KIAA1328: variants seen among roughly 807,000 people sequenced by gnomAD.
KIAA1328 encodes KIAA1328.
A neutral mutation model predicts 68.1 loss-of-function variants in KIAA1328; 52 were observed. The ratio of observed to expected loss-of-function variants is 0.76; its 90% CI spans 0.61 to 0.96. The LOEUF (loss-of-function observed/expected upper bound fraction) is 0.96, where lower values mean the gene tolerates loss of function less well. Ranked by LOEUF, KIAA1328 falls within the 40% of genes least tolerant of loss-of-function variation. KIAA1328 has a pLI of 0.00. For missense variants in KIAA1328, 641 were observed against 677.6 expected (o/e 0.95, Z 0.60); for synonymous variants, 232 against 239.4 (o/e 0.97, Z 0.28).
At chr18:36,875,791 AT>A (rs2048102182) in intron 4 of KIAA1328, among the ~76,000 whole-genome samples, 1 of 152,192 alleles carries the variant, frequency 6.6e-6, no homozygotes, top group African/African-American at 2.4e-5. Context: ...TCAGTATGAT[AT>A]TGGCTATGGG....
rs1302294228 is a variant in KIAA1328, at chr18:37,180,904, T to C, written c.1523+7823T>C. 2.6e-5 allele frequency among the ~76,000 whole-genome samples: 4 copies of C among 152,296 alleles called. No individual in the cohort carries two copies. The East Asian group carries it at 7.7e-4, about 29-fold the overall frequency. On this transcript the variant is annotated intron_variant, in intron 9 of 9. Transcript: ENST00000280020. ...GTGGCTATTATTCGTTAAATGCCAG[T>C]TATGTATCAGGTATTACATTGGGCA...
At chr18:37,169,861 G>A (rs1457169329) in intron 8 of KIAA1328, among the ~76,000 whole-genome samples, 1 of 152,160 alleles carries the variant, frequency 6.6e-6, no homozygotes, top group Non-Finnish European at 1.5e-5. Flanking sequence ...TGAGGTATCT[G>A]TACATTCCTG....
At chr18:36,978,021 G>C (rs2052539222) in intron 6 of KIAA1328, among the ~76,000 whole-genome samples, 1 of 152,114 alleles carries the variant, frequency 6.6e-6, no homozygotes, top group Non-Finnish European at 1.5e-5. Context: ...GGCCTCAAGT[G>C]ATCTGCCTGC....
At chr18:36,924,173 A>G (rs1247253171) in intron 5 of KIAA1328, among the ~76,000 whole-genome samples, 1 of 152,108 alleles carries the variant, frequency 6.6e-6, no homozygotes, top group Non-Finnish European at 1.5e-5. Context: ...TGGTGAGTTG[A>G]TCTGATTTTG....
At chr18:37,191,601 G>A (rs2059905509) in intron 9 of KIAA1328, among the ~76,000 whole-genome samples, 1 of 152,168 alleles carries the variant, frequency 6.6e-6, no homozygotes, top group Non-Finnish European at 1.5e-5. Flanking sequence ...GAAGTTGGGT[G>A]TCTGCCTTTT....
chr18:37,120,194 T>A (rs570488190), intron 7 of KIAA1328, among the ~76,000 whole-genome samples: 1 of 152,012 alleles, frequency 6.6e-6, no homozygotes, highest in East Asian at 1.9e-4. Context: ...AAAAAATTCA[T>A]CTTGATTTTA....
At chr18:36,859,925 T>C (rs2047508762) in intron 4 of KIAA1328, among the ~76,000 whole-genome samples, 1 of 132,928 alleles carries the variant, frequency 7.5e-6, no homozygotes, top group African/African-American at 3.0e-5. Context: ...TTTCATTTCC[T>C]TTTTTTTTTA....
intron 5 of KIAA1328, among the ~76,000 whole-genome samples, chr18:36,908,995 A>T (rs1219787875): frequency 2.0e-5 from 3 of 152,112 alleles, no homozygotes; most frequent in Non-Finnish European, 2.9e-5. Flanking sequence ...TATGTGGTAC[A>T]TTTGGTCCCA....
intron 7 of KIAA1328, among the ~76,000 whole-genome samples, chr18:37,154,112 A>T (rs2059102889): frequency 6.6e-6 from 1 of 152,142 alleles, no homozygotes; most frequent in Non-Finnish European, 1.5e-5. Flanking sequence ...ACAATAACTC[A>T]GTAATTTTCA....
chr18:37,039,298 A>G (rs1466396612), intron 6 of KIAA1328, among the ~76,000 whole-genome samples: 1 of 151,996 alleles, frequency 6.6e-6, no homozygotes, highest in African/African-American at 2.4e-5. Context: ...TTCTTTAAAT[A>G]TTTGATAGAA....
intron 6 of KIAA1328, among the ~76,000 whole-genome samples, chr18:36,967,332 A>G (rs1420488282): frequency 6.6e-6 from 1 of 152,154 alleles, no homozygotes; most frequent in Non-Finnish European, 1.5e-5. Flanking sequence ...AACCACAAGG[A>G]GCTATATTCT....
chr18:37,112,205 G>C (rs2057952275), intron 7 of KIAA1328, among the ~76,000 whole-genome samples: 1 of 152,198 alleles, frequency 6.6e-6, no homozygotes, highest in South Asian at 2.1e-4. Context: ...TGAGATCTGA[G>C]AATGGACAGA....
intron 6 of KIAA1328, among the ~76,000 whole-genome samples, chr18:36,971,425 T>G (rs1334501131): frequency 1.3e-5 from 2 of 151,232 alleles, no homozygotes. Context: ...AGGTTGGGAG[T>G]TCAAGACCAG....
At chr18:37,169,025 A>C (rs1052060485) in intron 8 of KIAA1328, among the ~76,000 whole-genome samples, 2 of 152,170 alleles carry the variant, frequency 1.3e-5, no homozygotes, top group East Asian at 3.8e-4. Context: ...CCATCTGTGC[A>C]TGTGAAAATA....
intron 6 of KIAA1328, among the ~76,000 whole-genome samples, chr18:37,003,609 A>G (rs2053670128): frequency 6.6e-6 from 1 of 152,080 alleles, no homozygotes; most frequent in Non-Finnish European, 1.5e-5. Flanking sequence ...CCATGTATTT[A>G]TCTTTGTTTT....
intron 5 of KIAA1328, among the ~76,000 whole-genome samples, chr18:36,889,985 A>G (rs1598619260): frequency 6.6e-6 from 1 of 152,222 alleles, no homozygotes; most frequent in Middle Eastern, 3.4e-3. Flanking sequence ...GAGGAAACCA[A>G]GTTTTAGTTT....
At chr18:37,134,917 G>A (rs576008816) in intron 7 of KIAA1328, among the ~76,000 whole-genome samples, 37 of 152,134 alleles carry the variant, frequency 2.4e-4, no homozygotes, top group African/African-American at 8.2e-4. Flanking sequence ...ACTACCCAAC[G>A]TTTAGTTCCC....
At chr18:36,955,617 T>C (rs2051379236) in intron 5 of KIAA1328, among the ~76,000 whole-genome samples, 1 of 152,090 alleles carries the variant, frequency 6.6e-6, no homozygotes, top group Non-Finnish European at 1.5e-5. Context: ...TGCTATCTCC[T>C]ACTCTTGTGA....
At chr18:37,182,206 C>G (rs2059711597) in intron 9 of KIAA1328, among the ~76,000 whole-genome samples, 1 of 152,130 alleles carries the variant, frequency 6.6e-6, no homozygotes, top group African/African-American at 2.4e-5. Context: ...CCCTTAACTT[C>G]AACTTTAAGA....
Sources: gnomAD v4.1 joint callset for allele counts (sites outside exome capture counted in the v4.1 genomes callset) on GRCh38, gnomAD v4.1.1 for gene constraint, MANE v1.5 for transcripts, NCBI Gene and HGNC (gene_info 2026-07-23, HGNC 2026-07-21) for gene names.